The following CYP3A43 variants were observed in gnomAD, a reference collection of about 807,000 sequenced individuals.
CYP3A43 encodes the protein cytochrome P450 3A43.
A neutral mutation model predicts 58.0 loss-of-function variants in CYP3A43; 45 were observed. The observed-to-expected ratio is 0.78, with a 90% CI of 0.61 to 0.99. The LOEUF (loss-of-function observed/expected upper bound fraction) is 0.99, where lower values mean the gene tolerates loss of function less well. CYP3A43 is among the 50% of genes least tolerant of loss of function. CYP3A43 has a pLI of 0.00. For missense variants in CYP3A43, 593 were observed against 591.9 expected (o/e 1.00, Z -0.02); for synonymous variants, 191 against 201.4 (o/e 0.95, Z 0.44).
Position 99,856,913 on chromosome 7 carries a change from G to T in CYP3A43, c.865+14G>T. On this transcript the variant is annotated intron_variant, in intron 9 of 12. Transcript: ENST00000354829. ...AGTCCCATAAAGGTAACCAAGAACT[G>T]CATCTGGGGGCTACTGATGGGGACA... 6.2e-7 allele frequency: 1 copy of T among 1,611,160 alleles called. No individual in the cohort carries two copies. Among genetic ancestry groups the T allele is most frequent in the Admixed American group, 1.7e-5 (1 of 59,358 alleles).
chr7:99,829,546 G>T (rs1026762930), intron 1 of CYP3A43, among the ~76,000 whole-genome samples: 17 of 152,178 alleles, frequency 1.1e-4, no homozygotes, highest in Non-Finnish European at 2.1e-4. Context: ...TTTCAGATCT[G>T]GCCCTAAGGA....
intron 2 of CYP3A43, chr7:99,838,780 G>A: frequency 4.1e-6 from 3 of 730,052 alleles, no homozygotes; most frequent in Non-Finnish European, 6.0e-6. Context: ...AGGAGTTCGA[G>A]ACCAGCTTTG....
In CYP3A43 at chr7:99,839,117, C is replaced by T. The variant is rs759357272; in HGVS notation, c.166-3C>T. 3 of 1,613,928 alleles carry T rather than the reference C, an allele frequency of 1.9e-6. No homozygotes were observed. The African/African-American group carries it at 4.0e-5, about 22-fold the overall frequency. On this transcript the variant is annotated splice_polypyrimidine_tract_variant and splice_region_variant and intron_variant, in intron 2 of 12. Coordinates refer to ENST00000354829, the MANE Select transcript of CYP3A43 (RefSeq NM_057095.3). ...TTGAATTGTATTTTGTTTCTTCTGCCAGGGTCTTTGGAATTTTGACAGAGA... is the reference window on the plus strand; with the variant it reads ...TTGAATTGTATTTTGTTTCTTCTGCTAGGGTCTTTGGAATTTTGACAGAGA...
At position 99,828,173 on chromosome 7, in the gene CYP3A43, G is replaced by GT; in HGVS notation, c.59dup (p.Leu21ThrfsTer11). On this transcript the variant is annotated frameshift_variant, in exon 1 of 13. Transcript: ENST00000354829. LOFTEE classifies it high-confidence loss of function. Reference sequence around the variant, plus strand: ...ATGGGTTCTTGTGGCTACCAGCCTGGTACTCCTCTATATGTGAGTAACTAT... The same window carrying GT: ...ATGGGTTCTTGTGGCTACCAGCCTGGTTACTCCTCTATATGTGAGTAACTAT... 6.2e-7 allele frequency: 1 copy of GT among 1,612,428 alleles called. No homozygotes were observed. Among genetic ancestry groups the GT allele is most frequent in the Non-Finnish European group, 8.5e-7 (1 of 1,178,996 alleles).
At chr7:99,839,591 C>T (rs1201771818) in intron 3 of CYP3A43, among the ~76,000 whole-genome samples, 3 of 152,092 alleles carry the variant, frequency 2.0e-5, no homozygotes, top group Admixed American at 1.3e-4. Context: ...GGGTAATACC[C>T]GAGGTTTGTT....
intron 4 of CYP3A43, among the ~76,000 whole-genome samples, chr7:99,845,784 T>TTC (rs200323151): frequency 1.6e-4 from 22 of 137,726 alleles, no homozygotes; most frequent in African/African-American, 7.5e-4. Context: ...GTTTTTGCTT[T>TTC]TTTTTTTTTT....
intron 9 of CYP3A43, among the ~76,000 whole-genome samples, chr7:99,858,818 G>A (rs981679772): frequency 2.0e-5 from 3 of 151,686 alleles, no homozygotes; most frequent in East Asian, 3.9e-4. Flanking sequence ...TCAGCCTCCC[G>A]AGTAGCTGGG....
At chr7:99,863,447 C>T in intron 11 of CYP3A43, 90 bp from the exon 12 acceptor site, 2 of 1,156,858 alleles carry the variant, frequency 1.7e-6, no homozygotes, top group Admixed American at 2.8e-5. Flanking sequence ...AGGTCCTCGC[C>T]TCCCAAAAGC....
intron 1 of CYP3A43, among the ~76,000 whole-genome samples, chr7:99,828,559 G>A (rs1411040686): frequency 6.6e-6 from 1 of 152,094 alleles, no homozygotes; most frequent in African/African-American, 2.4e-5. Context: ...TACTTGGGAG[G>A]CTGAGGCAGG....
intron 2 of CYP3A43, 53 bp from the exon 3 acceptor site, chr7:99,839,067 G>A: frequency 6.2e-7 from 1 of 1,601,332 alleles, no homozygotes; most frequent in Non-Finnish European, 8.6e-7. Context: ...GTTAAATGTA[G>A]CGTTCAGTAC....
At chr7:99,857,895 T>C (rs1818048739) in intron 9 of CYP3A43, among the ~76,000 whole-genome samples, 1 of 152,000 alleles carries the variant, frequency 6.6e-6, no homozygotes, top group Admixed American at 6.6e-5. Flanking sequence ...AGGAAATGTT[T>C]AACTCAAACA....
chr7:99,853,551 G>A (rs1218372131), intron 7 of CYP3A43, among the ~76,000 whole-genome samples: 1 of 151,900 alleles, frequency 6.6e-6, no homozygotes, highest in Non-Finnish European at 1.5e-5. Flanking sequence ...TTTCTTTTGT[G>A]GTAAAATTTG....
At chr7:99,865,804 G>A (rs974668746) in intron 12 of CYP3A43, 102 bp from the exon 13 acceptor site, 15 of 703,626 alleles carry the variant, frequency 2.1e-5, no homozygotes, top group Middle Eastern at 5.7e-4. Flanking sequence ...TTTTTTTTTA[G>A]TCATTGCAAA....
intron 7 of CYP3A43, among the ~76,000 whole-genome samples, chr7:99,853,905 T>G (rs1817862254): frequency 2.0e-5 from 3 of 152,094 alleles, no homozygotes; most frequent in Admixed American, 2.0e-4. Flanking sequence ...AGTTGGTGTA[T>G]GCATTTATGG....
chr7:99,855,521 ATTG>A, intron 7 of CYP3A43, 67 bp from the exon 8 acceptor site: 1 of 1,520,984 alleles, frequency 6.6e-7, no homozygotes, highest in Non-Finnish European at 8.8e-7. Context: ...GAAAATTGTA[ATTG>A]TTGTAGGTAA....
At chr7:99,833,703 A>C (rs1816941902) in intron 1 of CYP3A43, among the ~76,000 whole-genome samples, 1 of 152,204 alleles carries the variant, frequency 6.6e-6, no homozygotes, top group Non-Finnish European at 1.5e-5. Context: ...AGAAGTGTTA[A>C]TAGAAAGCAC....
chr7:99,863,076 A>G (rs1048638152), intron 11 of CYP3A43, among the ~76,000 whole-genome samples: 1 of 152,198 alleles, frequency 6.6e-6, no homozygotes, highest in African/African-American at 2.4e-5. Context: ...ACTATATTCT[A>G]TAGACACCAG....
In CYP3A43 at chr7:99,828,067, A is replaced by C; in HGVS notation, c.-49A>C. The C allele has an allele frequency of 1.6e-5, 24 of 1,488,660 alleles. No homozygotes were observed. The highest frequency in any genetic ancestry group is 2.1e-5 in the Non-Finnish European group (22 of 1,068,582). The allele number at this position is 1,488,660 out of a possible 1,614,324, so 92.2% of individuals were successfully genotyped here. On this transcript the variant is annotated 5_prime_UTR_variant, in exon 1 of 13. Coordinates refer to ENST00000354829, the MANE Select transcript of CYP3A43 (RefSeq NM_057095.3). ...TGCACAGCCCAGCAAAGAGCAGCACACAGCTGAAAGAAAAACTCAGAAGAC... is the reference window on the plus strand; with the variant it reads ...TGCACAGCCCAGCAAAGAGCAGCACCCAGCTGAAAGAAAAACTCAGAAGAC...
intron 3 of CYP3A43, among the ~76,000 whole-genome samples, chr7:99,839,927 G>A (rs1420527407): frequency 6.6e-6 from 1 of 152,146 alleles, no homozygotes; most frequent in African/African-American, 2.4e-5. Flanking sequence ...TATGCAGATG[G>A]TTCTCTTCCT....
Sources: allele counts gnomAD v4.1 joint callset (sites outside exome capture counted in the v4.1 genomes callset), GRCh38; gene constraint gnomAD v4.1.1; transcripts MANE v1.5; gene names NCBI Gene and HGNC (gene_info 2026-07-23, HGNC 2026-07-21).